DCAF7: variants seen among roughly 807,000 people sequenced by gnomAD.
DCAF7 encodes DDB1- and CUL4-associated factor 7.
DCAF7 carries 4 observed loss-of-function variants against 41.2 expected under a neutral mutation model. That is an observed-to-expected ratio of 0.10 (90% confidence interval 0.05 to 0.22). The LOEUF is 0.22. Among genes scored for constraint, DCAF7 ranks in the 10% least tolerant of loss-of-function variants. DCAF7 has a pLI of 1.00. For missense variants in DCAF7, 131 were observed against 443.2 expected, an observed-to-expected ratio of 0.30 and a Z score of 6.32; for synonymous variants, 143 against 164.2, an observed-to-expected ratio of 0.87 and a Z score of 0.99.
At chr17:63,584,952 A>G (rs1461084611) in intron 5 of DCAF7, among the ~76,000 whole-genome samples, 1 of 152,114 alleles carries the variant, frequency 6.6e-6, no homozygotes, top group African/African-American at 2.4e-5. Flanking sequence ...GCTGGGACCC[A>G]GGATTACCCA....
intron 6 of DCAF7, among the ~76,000 whole-genome samples, chr17:63,587,457 TTGTC>T (rs2033689138): frequency 6.6e-6 from 1 of 152,154 alleles, no homozygotes; most frequent in African/African-American, 2.4e-5. Context: ...GCTGCTGCCT[TTGTC>T]TGGCTCGCTG....
chr17:63,569,294 C>T lies in DCAF7; in HGVS notation c.139-9176C>T, dbSNP rs373549282. Among the ~76,000 whole-genome samples, 9 of 151,854 alleles carry T rather than the reference C, an allele frequency of 5.9e-5. No homozygotes were observed. The East Asian group carries it at 1.5e-3, about 26-fold the overall frequency. On this transcript the variant is annotated intron_variant, in intron 1 of 6. Coordinates refer to ENST00000614556, the MANE Select transcript of DCAF7 (RefSeq NM_005828.5). ...AGGTAGATTATTCTCCCAAAGATGT[C>T]CTCTAGGGTGTCCCCATTTTTGGCT...
intron 2 of DCAF7, 91 bp downstream of exon 2, chr17:63,578,719 A>G: frequency 6.4e-7 from 1 of 1,552,306 alleles, no homozygotes; most frequent in Non-Finnish European, 8.8e-7. Context: ...CAGGGGTCAG[A>G]GGCAGCGAGT....
At chr17:63,584,966 T>A (rs1281970960) in intron 5 of DCAF7, among the ~76,000 whole-genome samples, 1 of 152,264 alleles carries the variant, frequency 6.6e-6, no homozygotes, top group East Asian at 1.9e-4. Flanking sequence ...TTACCCAGAC[T>A]CCTGTTGTCT....
chr17:63,584,928 T>TA (rs1488171192), intron 5 of DCAF7, among the ~76,000 whole-genome samples: 5 of 152,136 alleles, frequency 3.3e-5, no homozygotes, highest in Non-Finnish European at 4.4e-5. Flanking sequence ...ATAGAATTCT[T>TA]ACCACATGCA....
chr17:63,573,896 A>G (rs2033533945), intron 1 of DCAF7, among the ~76,000 whole-genome samples: 1 of 151,972 alleles, frequency 6.6e-6, no homozygotes, highest in African/African-American at 2.4e-5. Flanking sequence ...CCCTGCCTCC[A>G]GCCACCTCCT....
In DCAF7 at chr17:63,579,896, C is replaced by T; in HGVS notation, c.481C>T (p.Leu161Phe). 6.2e-7 allele frequency: 1 copy of T among 1,613,920 alleles called. No individual in the cohort carries two copies. Among genetic ancestry groups the T allele is most frequent in the Non-Finnish European group, 8.5e-7 (1 of 1,179,842 alleles). ...ETGQVLGRVN[L>F]VSGHVKTQLI... ...AGGGCAGGTGTTAGGGCGAGTGAATCTCGTGTCTGGCCACGTGAAGACCCA... is the reference window on the plus strand; with the variant it reads ...AGGGCAGGTGTTAGGGCGAGTGAATTTCGTGTCTGGCCACGTGAAGACCCA... Residue 161 changes from leucine to phenylalanine, a missense_variant, in exon 4 of 7, where the codon CTC (leucine) becomes TTC (phenylalanine). Leu to Phe is a conservative substitution (Grantham distance 22, BLOSUM62 0). Coordinates refer to ENST00000614556, the MANE Select transcript of DCAF7 (RefSeq NM_005828.5).
At chr17:63,560,784 A>T (rs996993317) in intron 1 of DCAF7, among the ~76,000 whole-genome samples, 3 of 152,258 alleles carry the variant, frequency 2.0e-5, no homozygotes, top group African/African-American at 2.4e-5. Context: ...GAACTTCAGA[A>T]AGAGGAATAA....
At position 63,593,378 on chromosome 17, in the gene DCAF7, G is replaced by C. The variant is rs1238751258; in HGVS notation, c.*4206G>C. On this transcript the variant is annotated 3_prime_UTR_variant, in exon 7 of 7. Coordinates refer to ENST00000614556, the MANE Select transcript of DCAF7 (RefSeq NM_005828.5). ...GTCAAAGTCAAATGTGTGGCCACAT[G>C]GGATGGGCCAGGTCCTCTCAGGCTA... 6.5e-6 allele frequency: 1 copy of C among 152,712 alleles called. No individual in the cohort carries two copies. Among genetic ancestry groups the C allele is most frequent in the Non-Finnish European group, 1.5e-5 (1 of 68,090 alleles). The allele number at this position is 152,712 out of a possible 1,614,324, so 9.5% of individuals were successfully genotyped here.
In DCAF7 at chr17:63,576,416, C is replaced by T. The variant is rs113978393; in HGVS notation, c.139-2054C>T. Among the ~76,000 whole-genome samples, 75 of 152,210 alleles carry T rather than the reference C, an allele frequency of 4.9e-4. 1 individual carries two copies. Among genetic ancestry groups the T allele is most frequent in the African/African-American group, 1.2e-3 (49 of 41,528 alleles). ...AGCCAAGACTGTGCCCATTGCACTC[C>T]AGCCTGGGTGACAAGAGCAAAACTC... On this transcript the variant is annotated intron_variant, in intron 1 of 6. Coordinates refer to ENST00000614556, the MANE Select transcript of DCAF7 (RefSeq NM_005828.5).
intron 1 of DCAF7, among the ~76,000 whole-genome samples, chr17:63,573,902 C>G (rs1259837468): frequency 6.6e-6 from 1 of 152,126 alleles, no homozygotes; most frequent in Non-Finnish European, 1.5e-5. Context: ...CTCCAGCCAC[C>G]TCCTTGATCC....
At chr17:63,575,829 C>T (rs1044077026) in intron 1 of DCAF7, among the ~76,000 whole-genome samples, 1 of 152,222 alleles carries the variant, frequency 6.6e-6, no homozygotes, top group Non-Finnish European at 1.5e-5. Context: ...TCTCAGCAGG[C>T]TTTTTGTAAA....
At chr17:63,578,326 T>A in intron 1 of DCAF7, 144 bp from the exon 2 acceptor site, 1 of 1,112,472 alleles carries the variant, frequency 9.0e-7, no homozygotes. Context: ...GTTGCACCAC[T>A]GCACTCCAGC....
intron 4 of DCAF7, 57 bp downstream of exon 4, chr17:63,580,000 G>A: frequency 2.3e-6 from 3 of 1,320,970 alleles, no homozygotes; most frequent in South Asian, 1.2e-5. Flanking sequence ...TTCCGCACAG[G>A]AAGAGGTCAG....
At chr17:63,584,498 A>G (rs575285724) in intron 5 of DCAF7, among the ~76,000 whole-genome samples, 1 of 151,488 alleles carries the variant, frequency 6.6e-6, no homozygotes, top group East Asian at 1.9e-4. Context: ...ACGGTGGCTC[A>G]CACCTGTAAT....
rs150753930 is a variant in DCAF7 at position 63,579,809 on chromosome 17, C to G, written c.410-16C>G. The G allele has an allele frequency of 2.5e-6, 4 of 1,607,298 alleles. No homozygotes were observed. Among genetic ancestry groups the G allele is most frequent in the Middle Eastern group, 1.7e-4 (1 of 6,032 alleles). ...CCTTGGTCCCGTCAGCCCTGACTTG[C>G]ACTGGTTGTTTGCAGGTACCTCAAG... On this transcript the variant is annotated splice_polypyrimidine_tract_variant and intron_variant, in intron 3 of 6. Coordinates refer to ENST00000614556, the MANE Select transcript of DCAF7 (RefSeq NM_005828.5).
chr17:63,559,374 T>TGA (rs2033349364), intron 1 of DCAF7, among the ~76,000 whole-genome samples: 1 of 84,820 alleles, frequency 1.2e-5, no homozygotes. Flanking sequence ...TATATATATA[T>TGA]GTGTATATAT....
At chr17:63,583,448 A>C in intron 4 of DCAF7, 54 bp from the exon 5 acceptor site, 5 of 1,507,964 alleles carry the variant, frequency 3.3e-6, no homozygotes, top group Non-Finnish European at 4.6e-6. Context: ...TCCCTCCTAT[A>C]GGAAGAAGAG....
At chr17:63,566,269 G>T (rs887163975) in intron 1 of DCAF7, among the ~76,000 whole-genome samples, 9 of 151,448 alleles carry the variant, frequency 5.9e-5, no homozygotes, top group Non-Finnish European at 1.2e-4. Context: ...TACTCGGGAG[G>T]CTGAGGCAGG....
Sources: allele counts gnomAD v4.1 joint callset (sites outside exome capture counted in the v4.1 genomes callset), GRCh38; gene constraint gnomAD v4.1.1; transcripts MANE v1.5; gene names NCBI Gene and HGNC (gene_info 2026-07-23, HGNC 2026-07-21).